The following PCDH11X variants were observed in gnomAD, a reference collection of about 807,000 sequenced individuals.
PCDH11X encodes the protein protocadherin-11 X-linked.
In PCDH11X, 18 loss-of-function variants were observed where a neutral mutation model predicts 53.3. The observed-to-expected ratio is 0.34, with a 90% CI of 0.23 to 0.50. The LOEUF is 0.50. Among genes scored for constraint, PCDH11X ranks in the 20% least tolerant of loss-of-function variants. PCDH11X has a pLI of 0.98. For missense variants in PCDH11X, 570 were observed against 1,032.4 expected (o/e 0.55, Z 6.14); for synonymous variants, 279 against 393.3 (o/e 0.71, Z 3.44).
intron 9 of PCDH11X, among the ~76,000 whole-genome samples, chrX:92,392,077 G>A (rs2071140730): frequency 9.0e-6 from 1 of 110,737 alleles, no homozygotes; most frequent in Non-Finnish European, 1.9e-5. Flanking sequence ...CACGCATGAA[G>A]TCACTCTATC....
At chrX:92,577,385 G>A (rs547230658) in intron 10 of PCDH11X, among the ~76,000 whole-genome samples, 1 of 109,278 alleles carries the variant, frequency 9.2e-6, no homozygotes, top group South Asian at 3.9e-4. Context: ...TGGAGTCAGT[G>A]GTGGTATCCC....
intron 8 of PCDH11X, among the ~76,000 whole-genome samples, chrX:92,295,752 TG>T (rs1319110890): frequency 1.2e-4 from 8 of 67,040 alleles, no homozygotes; most frequent in African/African-American, 5.1e-4. Context: ...TGTGTGTGTG[TG>T]TGTGTGTGTG....
chrX:92,033,965 T>A, intron 6 of PCDH11X, among the ~76,000 whole-genome samples: 1 of 110,844 alleles, frequency 9.0e-6, no homozygotes, highest in Middle Eastern at 4.7e-3. Flanking sequence ...TATTATCATT[T>A]GTTTTAAAAC....
chrX:91,929,359 T>C (rs1256427724), intron 6 of PCDH11X, among the ~76,000 whole-genome samples: 1 of 110,628 alleles, frequency 9.0e-6, no homozygotes, highest in Non-Finnish European at 1.9e-5. Context: ...GTTCTTACTA[T>C]GTGCCAGGTA....
At chrX:92,229,931 A>G (rs2067037119) in intron 7 of PCDH11X, among the ~76,000 whole-genome samples, 1 of 110,750 alleles carries the variant, frequency 9.0e-6, no homozygotes. Flanking sequence ...GGCCCCTAAT[A>G]AAACCAAATG....
chrX:92,522,368 A>T (rs1343226883), intron 10 of PCDH11X, among the ~76,000 whole-genome samples: 3 of 111,866 alleles, frequency 2.7e-5, no homozygotes, highest in Non-Finnish European at 5.6e-5. Flanking sequence ...TAGCACACAC[A>T]TTTATTGATT....
At chrX:92,401,083 G>A (rs1168397707) in intron 9 of PCDH11X, among the ~76,000 whole-genome samples, 2 of 106,834 alleles carry the variant, frequency 1.9e-5, no homozygotes, top group East Asian at 6.4e-4. Flanking sequence ...AGTTTCCCCA[G>A]AGATGAATAG....
intron 1 of PCDH11X, among the ~76,000 whole-genome samples, chrX:91,782,507 A>T (rs1459303645): frequency 9.0e-6 from 1 of 111,133 alleles, no homozygotes; most frequent in Non-Finnish European, 1.9e-5. Context: ...CTTTAAAAAA[A>T]AACCCCGTGG....
intron 10 of PCDH11X, among the ~76,000 whole-genome samples, chrX:92,603,668 A>G (rs1482666131): frequency 9.6e-6 from 1 of 103,739 alleles, no homozygotes; most frequent in Admixed American, 1.1e-4. Context: ...ATCCAGCAAA[A>G]TATTGGTCAG....
intron 10 of PCDH11X, among the ~76,000 whole-genome samples, chrX:92,590,050 T>G (rs1924861927): frequency 9.2e-6 from 1 of 108,551 alleles, no homozygotes; most frequent in African/African-American, 3.4e-5. Flanking sequence ...CTGACACCCA[T>G]GGCTCCACCT....
rs146426284 is a variant in PCDH11X, at chrX:91,878,556, G to T, written c.2316G>T (p.Val772=). Residue 772 remains valine (V), a synonymous_variant, in exon 6 of 11, where the codon GTG becomes GTT. Transcript: ENST00000682573. ...LFSVVIVNLF[V]NESVTNATLI... ...GTGTTGTAATTGTCAATCTGTTCGT[G>T]AATGAGTCGGTGACCAATGCTACAC... 3.3e-5 allele frequency: 40 copies of T among 1,209,170 alleles called. No individual in the cohort carries two copies. In the African/African-American group the frequency reaches 5.3e-4, roughly 16 times the overall value.
chrX:92,397,650 A>T (rs1202008302), intron 9 of PCDH11X, among the ~76,000 whole-genome samples: 5 of 110,385 alleles, frequency 4.5e-5, no homozygotes, highest in Non-Finnish European at 9.4e-5. Flanking sequence ...TTAAGTATTA[A>T]CAAGGAATTC....
chrX:92,559,696 C>A (rs1002655868), intron 10 of PCDH11X, among the ~76,000 whole-genome samples: 24 of 110,426 alleles, frequency 2.2e-4, no homozygotes, highest in Non-Finnish European at 3.8e-4. Context: ...TAGTCCTGCC[C>A]TGTCATAGTG....
intron 8 of PCDH11X, among the ~76,000 whole-genome samples, chrX:92,326,622 C>CTATATATATATATATATATTA (rs1160866218): frequency 2.2e-5 from 1 of 45,814 alleles, no homozygotes; most frequent in African/African-American, 1.5e-4. Flanking sequence ...TTTTAATAAA[C>CTATATATATATATATATATTA]TATATATATA....
rs770362456 is a variant in PCDH11X at position 91,942,646 on chromosome X, C to T, written c.3033+63373C>T. Among the ~76,000 whole-genome samples, 4 of 110,995 alleles carry T rather than the reference C, an allele frequency of 3.6e-5. No homozygotes were observed. The South Asian group carries it at 1.5e-3, about 41-fold the overall frequency. ...CTAAGTGTTTAAAGGAAATATAACACTAATTCCATAAAAAATTTTTCTGAC... is the reference window on the plus strand; with the variant it reads ...CTAAGTGTTTAAAGGAAATATAACATTAATTCCATAAAAAATTTTTCTGAC... On this transcript the variant is annotated intron_variant, in intron 6 of 10. Transcript: ENST00000682573.
intron 6 of PCDH11X, among the ~76,000 whole-genome samples, chrX:91,988,948 G>A (rs976873108): frequency 2.6e-4 from 29 of 111,467 alleles, no homozygotes; most frequent in Non-Finnish European, 4.0e-4. Context: ...GGAACCAACT[G>A]GCTGAAGGAA....
intron 8 of PCDH11X, among the ~76,000 whole-genome samples, chrX:92,363,906 T>C: frequency 9.0e-6 from 1 of 111,713 alleles, no homozygotes; most frequent in East Asian, 2.8e-4. Flanking sequence ...TCTTCATCCA[T>C]TGATATGATG....
At chrX:92,210,402 C>T (rs928660508) in intron 7 of PCDH11X, among the ~76,000 whole-genome samples, 17 of 99,035 alleles carry the variant, frequency 1.7e-4, no homozygotes, top group African/African-American at 5.9e-4. Context: ...CCATGCCTGG[C>T]TAATTTTTTT....
chrX:92,162,247 A>G (rs1398941626), intron 6 of PCDH11X, among the ~76,000 whole-genome samples: 2 of 101,417 alleles, frequency 2.0e-5, no homozygotes, highest in Non-Finnish European at 3.9e-5. Flanking sequence ...GCTGGAGTGC[A>G]GTGGTGCGAT....
Sources: allele counts gnomAD v4.1 joint callset (sites outside exome capture counted in the v4.1 genomes callset), GRCh38; gene constraint gnomAD v4.1.1; transcripts MANE v1.5; gene names NCBI Gene and HGNC (gene_info 2026-07-23, HGNC 2026-07-21).